The following LEPR variants were observed in gnomAD, a reference collection of about 807,000 sequenced individuals.
The protein encoded by LEPR is leptin receptor, also known as OB receptor.
A neutral mutation model predicts 114.7 loss-of-function variants in LEPR; 56 were observed. The observed-to-expected ratio is 0.49, with a 90% CI of 0.39 to 0.61. The LOEUF is 0.61. LEPR is among the 20% of genes least tolerant of loss of function. The pLI is 0.00. For synonymous variants in LEPR, 443 were observed against 461.4 expected, an observed-to-expected ratio of 0.96 and a Z score of 0.51; for missense variants, 1,202 against 1,352.9, an observed-to-expected ratio of 0.89 and a Z score of 1.75.
chr1:65,572,985 G>A (rs1435534810), intron 5 of LEPR, among the ~76,000 whole-genome samples: 1 of 152,168 alleles, frequency 6.6e-6, no homozygotes, highest in Non-Finnish European at 1.5e-5. Flanking sequence ...GCATGAACAT[G>A]AACCATGCTG....
At chr1:65,437,299 G>T (rs138679473) in intron 2 of LEPR, among the ~76,000 whole-genome samples, 2 of 152,090 alleles carry the variant, frequency 1.3e-5, no homozygotes, top group Admixed American at 6.5e-5. Flanking sequence ...TCAGTATGTT[G>T]CCCAGGCTCC....
chr1:65,488,206 TTCTTTCTCTCTCTCTCTC>T lies in LEPR; in HGVS notation c.-21+62832_-21+62849del, dbSNP rs1332882449. On this transcript the variant is annotated intron_variant, in intron 2 of 19. Coordinates refer to ENST00000349533, the MANE Select transcript of LEPR (RefSeq NM_002303.6). The stretch of plus-strand genomic sequence containing the variant: ...TTTCTTTCTTTCTTTCTTTCTTTCT[TTCTTTCTCTCTCTCTCTC>T]TCTCTTTCTTTCTTTCTTTCTTTCT... 2.2e-3 allele frequency among the ~76,000 whole-genome samples: 69 copies of T among 31,742 alleles called. 1 individual carries two copies. Among genetic ancestry groups the T allele is most frequent in the Non-Finnish European group, 3.0e-3 (49 of 16,160 alleles). 20.8% of individuals were successfully genotyped at this position (31,742 alleles called of 152,430 possible).
At chr1:65,421,425 C>A in intron 1 of LEPR, 3 of 1,536,022 alleles carry the variant, frequency 2.0e-6, no homozygotes, top group Non-Finnish European at 2.6e-6. Context: ...CAATGCGAGA[C>A]GGAAAAGGTT....
chr1:65,498,189 G>C (rs1225634428), intron 2 of LEPR, among the ~76,000 whole-genome samples: 1 of 152,040 alleles, frequency 6.6e-6, no homozygotes, highest in African/African-American at 2.4e-5. Flanking sequence ...TCTGTGTTTA[G>C]AAGGCCAAAA....
At chr1:65,498,996 G>A (rs946011604) in intron 2 of LEPR, among the ~76,000 whole-genome samples, 8 of 151,998 alleles carry the variant, frequency 5.3e-5, no homozygotes, top group Admixed American at 6.6e-5. Flanking sequence ...GTTCATTCAT[G>A]TATGTCTCAA....
At chr1:65,455,752 C>T (rs1392273753) in intron 2 of LEPR, among the ~76,000 whole-genome samples, 3 of 152,168 alleles carry the variant, frequency 2.0e-5, no homozygotes, top group Non-Finnish European at 4.4e-5. Flanking sequence ...TGTGCCCTGC[C>T]CCCAGAGGTG....
chr1:65,431,733 A>T (rs1397679677), intron 2 of LEPR: 1 of 1,491,682 alleles, frequency 6.7e-7, no homozygotes, highest in East Asian at 2.3e-5. Flanking sequence ...TAATGCAGAA[A>T]ATAATAGGGA....
At chr1:65,549,207 G>C (rs920456168) in intron 2 of LEPR, among the ~76,000 whole-genome samples, 1 of 150,770 alleles carries the variant, frequency 6.6e-6, no homozygotes, top group South Asian at 2.1e-4. Context: ...TCCCTTTGTG[G>C]GTAACCCGAC....
intron 5 of LEPR, among the ~76,000 whole-genome samples, chr1:65,588,677 T>C (rs1300581172): frequency 1.3e-5 from 2 of 152,008 alleles, no homozygotes; most frequent in Non-Finnish European, 2.9e-5. Flanking sequence ...TTTAGAACTT[T>C]ATATAAATGC....
At chr1:65,465,862 G>A (rs111919366) in intron 2 of LEPR, among the ~76,000 whole-genome samples, 1 of 151,068 alleles carries the variant, frequency 6.6e-6, no homozygotes, top group Admixed American at 6.6e-5. Flanking sequence ...GCTTTTTTTT[G>A]CTTTCCATTT....
At chr1:65,500,325 G>A (rs1245859088) in intron 2 of LEPR, among the ~76,000 whole-genome samples, 6 of 151,936 alleles carry the variant, frequency 3.9e-5, no homozygotes, top group Non-Finnish European at 1.5e-5. Context: ...ATGTTATATT[G>A]GCCAGTTCCT....
At chr1:65,616,649 A>G (rs1657545004) in intron 15 of LEPR, among the ~76,000 whole-genome samples, 1 of 152,106 alleles carries the variant, frequency 6.6e-6, no homozygotes, top group Non-Finnish European at 1.5e-5. Flanking sequence ...TAGTAATAGC[A>G]TGACATGTTA....
At chr1:65,458,933 C>A (rs1415981652) in intron 2 of LEPR, among the ~76,000 whole-genome samples, 1 of 152,160 alleles carries the variant, frequency 6.6e-6, no homozygotes, top group Non-Finnish European at 1.5e-5. Flanking sequence ...TATTTGCAAA[C>A]TCAACAATTC....
chr1:65,609,154 C>A (rs962765272), intron 12 of LEPR, among the ~76,000 whole-genome samples: 1 of 152,190 alleles, frequency 6.6e-6, no homozygotes, highest in Non-Finnish European at 1.5e-5. Context: ...GATTAAATGG[C>A]TAAATCAGTT....
chr1:65,538,622 T>G (rs1650948367), intron 2 of LEPR, among the ~76,000 whole-genome samples: 1 of 152,208 alleles, frequency 6.6e-6, no homozygotes, highest in African/African-American at 2.4e-5. Context: ...GAATTTTCTA[T>G]AAGTCAGTTG....
rs1249622205 is a variant in LEPR, at chr1:65,521,306, G to C, written c.-20-44240G>C. Reference sequence around the variant, plus strand: ...CTTTTCTTTTTCTAAATGGAAAAAGGGTTAAGGCCTTTTGTCTGATCGAAA... The same window carrying C: ...CTTTTCTTTTTCTAAATGGAAAAAGCGTTAAGGCCTTTTGTCTGATCGAAA... On this transcript the variant is annotated intron_variant, in intron 2 of 19. Coordinates refer to ENST00000349533, the MANE Select transcript of LEPR (RefSeq NM_002303.6). 5.3e-5 allele frequency among the ~76,000 whole-genome samples: 8 copies of C among 152,134 alleles called. No individual in the cohort carries two copies. The East Asian group carries it at 1.5e-3, about 29-fold the overall frequency.
In LEPR at chr1:65,452,645, G is replaced by T. The variant is rs1370145609; in HGVS notation, c.-21+27267G>T. Among the ~76,000 whole-genome samples the T allele has an allele frequency of 1.5e-4, 23 of 150,984 alleles. 1 individual carries two copies. The highest frequency in any genetic ancestry group is 7.4e-5 in the Non-Finnish European group (5 of 67,396). On this transcript the variant is annotated intron_variant, in intron 2 of 19. Transcript: ENST00000349533. ...GGATGAAGCCCACTTGATCATGGTG[G>T]ATAAGCTTTTTGATGTGCTGCTGGA...
intron 19 of LEPR, among the ~76,000 whole-genome samples, chr1:65,624,178 C>T (rs574798416): frequency 4.7e-4 from 71 of 152,154 alleles, no homozygotes; most frequent in Non-Finnish European, 6.5e-4. Flanking sequence ...TCAGTTTCCT[C>T]TTCTGTGAAA....
intron 4 of LEPR, 27 bp from the exon 5 acceptor site, chr1:65,572,299 T>TG (rs1553166932): frequency 8.5e-6 from 12 of 1,411,466 alleles, no homozygotes; most frequent in South Asian, 4.1e-5. Context: ...TGTTTTTTTT[T>TG]TTTTTTTTTT....
Sources: gnomAD v4.1 joint callset for allele counts (sites outside exome capture counted in the v4.1 genomes callset) on GRCh38, gnomAD v4.1.1 for gene constraint, MANE v1.5 for transcripts, NCBI Gene and HGNC (gene_info 2026-07-23, HGNC 2026-07-21) for gene names.